The following ZNF148 variants were observed in gnomAD, a reference collection of about 807,000 sequenced individuals.
The protein encoded by ZNF148 is Beta-Enolase Repressor Factor-1.
Under a neutral mutation model 67.7 loss-of-function variants are expected in ZNF148, and 7 were observed. The ratio of observed to expected loss-of-function variants is 0.10; its 90% CI spans 0.06 to 0.19. The LOEUF (loss-of-function observed/expected upper bound fraction) is 0.19. Ranked by LOEUF, ZNF148 falls within the 10% of genes least tolerant of loss-of-function variation. The pLI is 1.00. For synonymous variants in ZNF148, 333 were observed against 330.7 expected, an observed-to-expected ratio of 1.01 and a Z score of -0.08; for missense variants, 583 against 947.1, an observed-to-expected ratio of 0.62 and a Z score of 5.05.
intron 3 of ZNF148, among the ~76,000 whole-genome samples, chr3:125,322,344 A>C (rs1940819700): frequency 6.6e-6 from 1 of 150,892 alleles, no homozygotes; most frequent in Non-Finnish European, 1.5e-5. Context: ...AATAAATCTG[A>C]CTCAAACCTT....
At chr3:125,342,178 G>A (rs1941755446) in intron 1 of ZNF148, among the ~76,000 whole-genome samples, 1 of 151,352 alleles carries the variant, frequency 6.6e-6, no homozygotes, top group African/African-American at 2.4e-5. Flanking sequence ...CATAAAGAAG[G>A]AAGAAAGGGA....
intron 4 of ZNF148, among the ~76,000 whole-genome samples, chr3:125,293,409 C>T (rs79446619): frequency 0.056 from 8,561 of 152,190 alleles, 579 homozygotes; most frequent in East Asian, 0.18. Flanking sequence ...TGAAAAGCAA[C>T]GACACCCAAC....
At chr3:125,347,151 A>C (rs1941974329) in intron 1 of ZNF148, among the ~76,000 whole-genome samples, 2 of 152,226 alleles carry the variant, frequency 1.3e-5, no homozygotes, top group Admixed American at 6.5e-5. Flanking sequence ...GGTACAAGAC[A>C]TGTACACTGA....
rs1444186603 is a variant in ZNF148 at position 125,375,141 on chromosome 3, C to G, written c.-273G>C. ...GAGTCGCGCGGTCACCGACTGCAGG[C>G]GGCGGCAGCTCCAACCTTTCTAGGG... On this transcript the variant is annotated 5_prime_UTR_variant, in exon 1 of 9. Coordinates refer to ENST00000360647, the MANE Select transcript of ZNF148 (RefSeq NM_021964.3). The G allele has an allele frequency of 6.6e-6, 1 of 151,798 alleles. No homozygotes were observed. The highest frequency in any genetic ancestry group is 1.5e-5 in the Non-Finnish European group (1 of 67,978). 9.4% of individuals were successfully genotyped at this position (151,798 alleles called of 1,614,324 possible). A position where few individuals can be genotyped will look rare whatever the true frequency, so the allele number is the denominator to read the frequency against.
intron 7 of ZNF148, among the ~76,000 whole-genome samples, chr3:125,274,291 C>T (rs889461099): frequency 6.6e-6 from 1 of 152,160 alleles, no homozygotes; most frequent in Admixed American, 6.5e-5. Context: ...TTCTCTCTCA[C>T]ATCCAAAACA....
intron 1 of ZNF148, among the ~76,000 whole-genome samples, chr3:125,358,362 T>C (rs189979083): frequency 1.1e-3 from 165 of 152,210 alleles, no homozygotes; most frequent in African/African-American, 3.8e-3. Flanking sequence ...CCATGATATC[T>C]CCCACTTTAG....
chr3:125,233,187 G>A lies in ZNF148; in HGVS notation c.1539C>T (p.Thr513=). ...AAVASVIDES[T]TASILESQAL... ...CCTGTGACTCTAATATGGATGCCGTGGTACTTTCATCAATGACACTTGCCA... is the reference window on the plus strand; with the variant it reads ...CCTGTGACTCTAATATGGATGCCGTAGTACTTTCATCAATGACACTTGCCA... Residue 513 remains threonine, a synonymous_variant, in exon 9 of 9, where the codon ACC becomes ACT. Coordinates refer to ENST00000360647, the MANE Select transcript of ZNF148 (RefSeq NM_021964.3). This position sits in a 1 kb window ranked among gnomAD's most constrained non-coding sequence, Gnocchi z 5.1. 1 of 1,613,738 alleles carries A rather than the reference G, an allele frequency of 6.2e-7. No homozygotes were observed. The highest frequency in any genetic ancestry group is 8.5e-7 in the Non-Finnish European group (1 of 1,179,884).
intron 1 of ZNF148, among the ~76,000 whole-genome samples, chr3:125,371,418 G>A (rs1310848980): frequency 7.0e-6 from 1 of 142,368 alleles, no homozygotes; most frequent in Non-Finnish European, 1.5e-5. Context: ...TGTAATCCCA[G>A]CATTTTGGGA....
At position 125,325,809 on chromosome 3, in the gene ZNF148, G is replaced by T. The variant is rs144318978; in HGVS notation, c.-152-2365C>A. Among the ~76,000 whole-genome samples, 315 of 152,162 alleles carry T rather than the reference G, an allele frequency of 2.1e-3. 1 individual carries two copies. The highest frequency in any genetic ancestry group is 7.1e-3 in the African/African-American group (293 of 41,534). ...TTTTTCTAAGGAAAATAAATCTACA[G>T]ATCTAAGAAGCACAATGAATTTCAA... On this transcript the variant is annotated intron_variant, in intron 2 of 8. Coordinates refer to ENST00000360647, the MANE Select transcript of ZNF148 (RefSeq NM_021964.3).
chr3:125,331,311 A>G (rs926295393), intron 1 of ZNF148, 73 bp from the exon 2 acceptor site: 1 of 397,784 alleles, frequency 2.5e-6, no homozygotes, highest in African/African-American at 2.1e-5. Context: ...GAAGTCAGGT[A>G]AAACTGTTAC....
chr3:125,359,127 T>C (rs553475345), intron 1 of ZNF148, among the ~76,000 whole-genome samples: 1 of 152,340 alleles, frequency 6.6e-6, no homozygotes, highest in East Asian at 1.9e-4. Flanking sequence ...GGCTGCTACA[T>C]GATGGTACAG....
At chr3:125,271,433 T>C (rs770874193) in intron 7 of ZNF148, among the ~76,000 whole-genome samples, 2 of 152,250 alleles carry the variant, frequency 1.3e-5, no homozygotes, top group Non-Finnish European at 2.9e-5. Flanking sequence ...GGTTCAGTAC[T>C]GGCTTTGCCC....
intron 1 of ZNF148, among the ~76,000 whole-genome samples, chr3:125,352,851 T>G (rs574606341): frequency 6.6e-6 from 1 of 152,060 alleles, no homozygotes; most frequent in African/African-American, 2.4e-5. Flanking sequence ...GGCACTCTAC[T>G]CGATAAGACT....
chr3:125,251,153 A>G (rs1281995934), intron 7 of ZNF148, among the ~76,000 whole-genome samples: 1 of 152,222 alleles, frequency 6.6e-6, no homozygotes, highest in Non-Finnish European at 1.5e-5. Flanking sequence ...TCACGTAACC[A>G]GCACTCATAA....
At chr3:125,270,859 G>A (rs1937695011) in intron 7 of ZNF148, among the ~76,000 whole-genome samples, 1 of 152,132 alleles carries the variant, frequency 6.6e-6, no homozygotes. Flanking sequence ...CTAGGCAACA[G>A]AGGGAGACTT....
rs1942475043 is a variant in ZNF148 at position 125,359,649 on chromosome 3, T to C, written c.-234+15453A>G. On this transcript the variant is annotated intron_variant, in intron 1 of 8. Coordinates refer to ENST00000360647, the MANE Select transcript of ZNF148 (RefSeq NM_021964.3). ...GTTTTTGCAAACAGAAAACATGATG[T>C]GGTTCTCAAGCACACAAATAGAGAT... Among the ~76,000 whole-genome samples, 3 of 152,230 alleles carry C rather than the reference T, an allele frequency of 2.0e-5. No homozygotes were observed. The South Asian group carries it at 6.2e-4, about 31-fold the overall frequency.
chr3:125,356,730 C>T (rs1007683463), intron 1 of ZNF148, among the ~76,000 whole-genome samples: 1 of 152,170 alleles, frequency 6.6e-6, no homozygotes, highest in Admixed American at 6.5e-5. Flanking sequence ...TTGGAAAGAG[C>T]TTCAACTTTT....
chr3:125,294,412 CA>C (rs1560148168), intron 4 of ZNF148, among the ~76,000 whole-genome samples: 1 of 152,196 alleles, frequency 6.6e-6, no homozygotes, highest in Non-Finnish European at 1.5e-5. Context: ...CATACGGTTA[CA>C]TAAGTTTTAA....
At chr3:125,324,156 A>G (rs1304538339) in intron 2 of ZNF148, among the ~76,000 whole-genome samples, 7 of 151,528 alleles carry the variant, frequency 4.6e-5, no homozygotes, top group Admixed American at 4.0e-4. Context: ...CATTGTGCAC[A>G]TGTACCCTAA....
Sources: gnomAD v4.1 joint callset for allele counts (sites outside exome capture counted in the v4.1 genomes callset) on GRCh38, gnomAD v4.1.1 for gene constraint, Gnocchi (gnomAD v3.1) non-coding constraint, MANE v1.5 for transcripts, NCBI Gene and HGNC (gene_info 2026-07-23, HGNC 2026-07-21) for gene names.